IL4I1: variants seen among roughly 807,000 people sequenced by gnomAD.
The protein encoded by IL4I1 is L-amino-acid oxidase.
Under a neutral mutation model 29.7 loss-of-function variants are expected in IL4I1, and 24 were observed. The observed-to-expected ratio is 0.81, with a 90% CI of 0.59 to 1.14. The LOEUF is 1.14. Ranked by LOEUF, IL4I1 falls within the 50% of genes most tolerant of loss-of-function variation. The probability of loss-of-function intolerance (pLI) is 0.00; values close to 1 mark genes in which losing one functional copy is unlikely to be tolerated. For synonymous variants in IL4I1, 371 were observed against 352.5 expected (o/e 1.05, Z -0.59); for missense variants, 686 against 785.6 (o/e 0.87, Z 1.52).
chr19:49,916,049 G>A (rs957557215), intron 2 of IL4I1, among the ~76,000 whole-genome samples: 1 of 152,208 alleles, frequency 6.6e-6, no homozygotes, highest in African/African-American at 2.4e-5. Context: ...CTGTGTAACC[G>A]GCACCGTGCC....
intron 2 of IL4I1, among the ~76,000 whole-genome samples, chr19:49,915,620 G>A (rs943662042): frequency 6.6e-6 from 1 of 152,228 alleles, no homozygotes; most frequent in African/African-American, 2.4e-5. Flanking sequence ...GAGGGACGAT[G>A]GAGAAAGAAC....
chr19:49,895,257 C>T (rs1254989821), intron 3 of IL4I1, 77 bp from the exon 4 acceptor site: 3 of 1,175,376 alleles, frequency 2.6e-6, no homozygotes, highest in East Asian at 2.4e-5. Context: ...CACCCCGTGC[C>T]AGCCCCCTGC....
At chr19:49,907,761 C>T in intron 2 of IL4I1, 1 of 334,948 alleles carries the variant, frequency 3.0e-6, no homozygotes, top group East Asian at 8.8e-5. Flanking sequence ...GTCTCGAACT[C>T]CTGACCTCAA....
chr19:49,890,536 G>T lies in IL4I1; in HGVS notation c.838C>A (p.Leu280Ile). ...ACCACGGGCGCGTTCAACAGCACAA[G>T]CCCGGACAGCGAGCTCAGCAGCGCG... ...PRALLSSLSG[L>I]VLLNAPVVAM... The change falls in exon 8 of 8, where the codon CTT (leucine) becomes ATT (isoleucine). Residue 280 changes from leucine (L) to isoleucine (I), a missense_variant. By Grantham distance (5) the Leu-to-Ile change is conservative. Coordinates refer to ENST00000391826, the MANE Select transcript of IL4I1 (RefSeq NM_152899.2). The T allele has an allele frequency of 6.2e-7, 1 of 1,604,884 alleles. No individual in the cohort carries two copies. Among genetic ancestry groups the T allele is most frequent in the African/African-American group, 1.3e-5 (1 of 74,924 alleles).
chr19:49,908,114 G>T, intron 2 of IL4I1: 1 of 1,510,890 alleles, frequency 6.6e-7, no homozygotes, highest in Non-Finnish European at 8.8e-7. Flanking sequence ...ATCATGTCAA[G>T]GGCAGTCATG....
In IL4I1 at chr19:49,890,479, C is replaced by A. The variant is rs780565421; in HGVS notation, c.895G>T (p.Val299Leu). The stretch of plus-strand genomic sequence containing the variant: ...GCCGGGGGAGAGGTCTCGATCTGCA[C>A]GTGCACATCGTGCGGTCCCTGGGTC... The part of the protein sequence containing the change: ...AMTQGPHDVH[V>L]QIETSPPARN... The change falls in exon 8 of 8, where the codon GTG (valine) becomes TTG (leucine). Residue 299 changes from valine (V) to leucine (L), a missense_variant. Coordinates refer to ENST00000391826, the MANE Select transcript of IL4I1 (RefSeq NM_152899.2). The A allele has an allele frequency of 3.1e-6, 5 of 1,611,770 alleles. No individual in the cohort carries two copies. Among genetic ancestry groups the A allele is most frequent in the Non-Finnish European group, 4.2e-6 (5 of 1,179,834 alleles).
upstream of IL4I1, among the ~76,000 whole-genome samples, chr19:49,901,180 G>A (rs1378192351): frequency 2.0e-5 from 3 of 152,150 alleles, no homozygotes; most frequent in African/African-American, 4.8e-5. Context: ...TCAGGAGTTC[G>A]AGACCAGCCT....
rs1156254068 is a variant in IL4I1 at position 49,894,136 on chromosome 19, A to G, written c.567+132T>C. ...CACACATCCCCTTGGTAGAATTTCC[A>G]TCTCCACCAACAGGCGCCCCACCCC... On this transcript the variant is annotated intron_variant, in intron 5 of 7. Coordinates refer to ENST00000391826, the MANE Select transcript of IL4I1 (RefSeq NM_152899.2). 1.3e-5 allele frequency: 10 copies of G among 796,420 alleles called. No individual in the cohort carries two copies. In the South Asian group the frequency reaches 1.5e-4, roughly 12 times the overall value. The allele number at this position is 796,420 out of a possible 1,614,324, so 49.3% of individuals were successfully genotyped here.
chr19:49,908,970 T>G lies in IL4I1; in HGVS notation c.-227-4649A>C, dbSNP rs778299454. Reference sequence around the variant, plus strand: ...GTGGTGCTGCTGCTGCTGGTGGTGGTGGCGGTGGCGGTGGCAGCGGTGGAT... The same window carrying G: ...GTGGTGCTGCTGCTGCTGGTGGTGGGGGCGGTGGCGGTGGCAGCGGTGGAT... On this transcript the variant is annotated intron_variant, in intron 2 of 9. Coordinates refer to the IL4I1 transcript ENST00000341114. The G allele has an allele frequency of 1.5e-5, 24 of 1,608,118 alleles. No individual in the cohort carries two copies. The Admixed American group carries it at 3.0e-4, about 20-fold the overall frequency.
At chr19:49,927,205 T>G (rs1219020072) in intron 2 of IL4I1, among the ~76,000 whole-genome samples, 1 of 152,026 alleles carries the variant, frequency 6.6e-6, no homozygotes, top group Admixed American at 6.6e-5. Context: ...CAGGGGAAAC[T>G]GAGGCACAGG....
At chr19:49,900,918 A>G (rs1167852533), upstream of IL4I1, among the ~76,000 whole-genome samples, 1 of 152,222 alleles carries the variant, frequency 6.6e-6, no homozygotes, top group African/African-American at 2.4e-5. Context: ...GGTCATGTCT[A>G]TACAGCAGCC....
chr19:49,918,190 C>G lies in IL4I1; in HGVS notation c.-228+9504G>C, dbSNP rs143589382. The stretch of plus-strand genomic sequence containing the variant: ...CAAATGATTCTCCTGCCCTAGCCTC[C>G]CGTTAGCTGGGACTACAGGCATACG... On this transcript the variant is annotated intron_variant, in intron 2 of 9. Transcript: ENST00000341114. Among the ~76,000 whole-genome samples, 112 of 152,168 alleles carry G rather than the reference C, an allele frequency of 7.4e-4. 1 individual carries two copies. Among genetic ancestry groups the G allele is most frequent in the African/African-American group, 2.5e-3 (104 of 41,500 alleles).
At position 49,890,998 on chromosome 19, in the gene IL4I1, G is replaced by A. The variant is rs2075131002; in HGVS notation, c.746C>T (p.Ala249Val). ...FYLSFAEALR[A>V]HSCLSDRLQY... ...GAGTCTGTCGCTGAGGCAGCTGTGGGCCCGGAGGGCCTCGGCGAAGCTGAG... is the reference window on the plus strand; with the variant it reads ...GAGTCTGTCGCTGAGGCAGCTGTGGACCCGGAGGGCCTCGGCGAAGCTGAG... Residue 249 changes from alanine (A) to valine (V), a missense_variant, in exon 7 of 8, where the codon GCC becomes GTC. By Grantham distance (64) the Ala-to-Val change is moderately conservative. Transcript: ENST00000391826. 2 of 1,607,374 alleles carry A rather than the reference G, an allele frequency of 1.2e-6. No individual in the cohort carries two copies. Among genetic ancestry groups the A allele is most frequent in the Non-Finnish European group, 1.7e-6 (2 of 1,178,002 alleles).
intron 2 of IL4I1, among the ~76,000 whole-genome samples, chr19:49,924,500 C>A (rs1030409436): frequency 2.0e-5 from 3 of 152,178 alleles, no homozygotes; most frequent in Middle Eastern, 3.2e-3. Context: ...CTGCCTGCAA[C>A]CACCGCCTCA....
At chr19:49,910,598 C>T (rs576231770) in intron 2 of IL4I1, among the ~76,000 whole-genome samples, 2 of 152,184 alleles carry the variant, frequency 1.3e-5, no homozygotes, top group South Asian at 4.1e-4. Context: ...AAGGCAGCTG[C>T]CTCCTTCACC....
upstream of IL4I1, among the ~76,000 whole-genome samples, chr19:49,900,418 T>C (rs954004910): frequency 2.0e-5 from 3 of 152,128 alleles, no homozygotes; most frequent in African/African-American, 7.2e-5. Flanking sequence ...CCCCAGTAGC[T>C]GGGATTACAG....
intron 2 of IL4I1, among the ~76,000 whole-genome samples, chr19:49,925,013 G>A (rs1260168620): frequency 6.6e-6 from 1 of 152,180 alleles, no homozygotes; most frequent in Admixed American, 6.5e-5. Context: ...TGTAATACCA[G>A]CACTTTGGGA....
At chr19:49,926,239 TTGC>T (rs2075885536) in intron 2 of IL4I1, among the ~76,000 whole-genome samples, 1 of 135,040 alleles carries the variant, frequency 7.4e-6, no homozygotes, top group Non-Finnish European at 1.6e-5. Flanking sequence ...AAGCTAGGTC[TTGC>T]TTAAGACTGG....
chr19:49,893,860 G>A (rs909984355), intron 5 of IL4I1, among the ~76,000 whole-genome samples: 15 of 151,910 alleles, frequency 9.9e-5, no homozygotes, highest in East Asian at 5.8e-4. Flanking sequence ...GGTGGCGGGC[G>A]CCTGTAATCC....
Sources: allele counts gnomAD v4.1 joint callset (sites outside exome capture counted in the v4.1 genomes callset), GRCh38; gene constraint gnomAD v4.1.1; transcripts MANE v1.5; gene names NCBI Gene and HGNC (gene_info 2026-07-23, HGNC 2026-07-21).